The following PSMB3 variants were observed in gnomAD, a reference collection of about 807,000 sequenced individuals.
PSMB3 encodes proteasome 20S subunit beta 3.
Under a neutral mutation model 23.3 loss-of-function variants are expected in PSMB3, and 5 were observed. The ratio of observed to expected loss-of-function variants is 0.21; its 90% confidence interval spans 0.11 to 0.45. The LOEUF (loss-of-function observed/expected upper bound fraction) is 0.45. Among genes scored for constraint, PSMB3 ranks in the 20% least tolerant of loss-of-function variants. The pLI is 0.99. For synonymous variants in PSMB3, 85 were observed against 99.8 expected (o/e 0.85, Z 0.88); for missense variants, 192 against 277.9 (o/e 0.69, Z 2.20).
chr17:38,752,751 G>C lies in PSMB3; in HGVS notation c.-76G>C. On this transcript the variant is annotated 5_prime_UTR_variant, in exon 1 of 6. Transcript: ENST00000619426. This position sits in a 1 kb window ranked among gnomAD's most constrained non-coding sequence, Gnocchi z 5.5. Reference sequence around the variant, plus strand: ...AGCCAATGAAGAGACAGCAGTGAGAGCGGTTGCGCAGTGAAGGCTAGACCC... The same window carrying C: ...AGCCAATGAAGAGACAGCAGTGAGACCGGTTGCGCAGTGAAGGCTAGACCC... The C allele has an allele frequency of 1.9e-6, 3 of 1,566,552 alleles. 1 individual carries two copies. In the East Asian group the frequency reaches 6.7e-5, roughly 35 times the overall value.
intron 3 of PSMB3, among the ~76,000 whole-genome samples, chr17:38,759,774 C>A (rs1318667842): frequency 6.6e-6 from 1 of 152,104 alleles, no homozygotes; most frequent in Non-Finnish European, 1.5e-5. Context: ...GTCTCGATCT[C>A]CTGACCTGGT....
At chr17:38,759,573 C>A (rs1908348321) in intron 3 of PSMB3, among the ~76,000 whole-genome samples, 1 of 149,776 alleles carries the variant, frequency 6.7e-6, no homozygotes, top group Admixed American at 6.7e-5. Flanking sequence ...GAGATGGAGT[C>A]TCGCTCTGTC....
At chr17:38,755,676 A>ATGTGTGTG (rs1377200061) in intron 2 of PSMB3, among the ~76,000 whole-genome samples, 2,966 of 107,436 alleles carry the variant, frequency 0.028, 67 homozygotes, top group East Asian at 0.044. Context: ...ATATATATAT[A>ATGTGTGTG]TATATATGTG....
intron 2 of PSMB3, 26 bp downstream of exon 2, chr17:38,753,360 AC>A (rs1908021419): frequency 1.2e-6 from 2 of 1,603,488 alleles, no homozygotes; most frequent in African/African-American, 2.7e-5. Flanking sequence ...CCCCGCCCAC[AC>A]CCAGGCCTCT....
Position 38,757,561 on chromosome 17 carries a change from A to C in PSMB3, c.296+1571A>C, listed in dbSNP as rs139239503. ...GTCGGGCGTGGTGGCTCATGCCTGT[A>C]ATCCCAGCACTTTGGGAGGCCAAGG... On this transcript the variant is annotated intron_variant, in intron 3 of 5. Coordinates refer to ENST00000619426, the MANE Select transcript of PSMB3 (RefSeq NM_002795.4). Among the ~76,000 whole-genome samples the C allele has an allele frequency of 4.1e-3, 624 of 151,742 alleles. 1 individual carries two copies. The highest frequency in any genetic ancestry group is 7.4e-3 in the Non-Finnish European group (503 of 67,930).
intron 3 of PSMB3, among the ~76,000 whole-genome samples, chr17:38,756,630 G>A (rs1908208760): frequency 6.6e-6 from 1 of 151,882 alleles, no homozygotes; most frequent in South Asian, 2.1e-4. Context: ...CATGTAGCTG[G>A]GACCACAGGT....
chr17:38,759,095 AACGTCTCTTTT>A, intron 3 of PSMB3, among the ~76,000 whole-genome samples: 1 of 152,328 alleles, frequency 6.6e-6, no homozygotes. Context: ...ACATATGGAT[AACGTCTCTTTT>A]ACTGACTCTT....
At chr17:38,755,440 T>C (rs1020719624) in intron 2 of PSMB3, 1 of 151,684 alleles carries the variant, frequency 6.6e-6, no homozygotes, top group Non-Finnish European at 1.5e-5. Context: ...AGTCAGGAGA[T>C]CGAGACCATC....
At chr17:38,761,262 C>T (rs1567645869) in intron 4 of PSMB3, among the ~76,000 whole-genome samples, 1 of 150,678 alleles carries the variant, frequency 6.6e-6, no homozygotes, top group African/African-American at 2.4e-5. Flanking sequence ...TGAGGAGAAT[C>T]GCTTGAGCCT....
chr17:38,760,633 C>G (rs745448904), intron 4 of PSMB3, 25 bp downstream of exon 4: 3 of 1,613,648 alleles, frequency 1.9e-6, no homozygotes, highest in Non-Finnish European at 2.5e-6. Context: ...TGGAGAGGGG[C>G]TGGGCTCTGA....
intron 3 of PSMB3, among the ~76,000 whole-genome samples, chr17:38,756,924 G>C (rs1908223828): frequency 6.9e-6 from 1 of 145,874 alleles, no homozygotes; most frequent in Admixed American, 6.9e-5. Context: ...CTGTCGCCCT[G>C]GTGTGCAATC....
At chr17:38,762,559 C>G in intron 5 of PSMB3, 54 bp downstream of exon 5, 1 of 1,516,970 alleles carries the variant, frequency 6.6e-7, no homozygotes, top group South Asian at 1.1e-5. Context: ...TGCCTCTCTC[C>G]CTTCTCCACG....
intron 2 of PSMB3, among the ~76,000 whole-genome samples, 168 bp from the exon 3 acceptor site, chr17:38,755,715 T>TGTGTGTGTGTGTGTGCGC (rs142685157): frequency 7.2e-6 from 1 of 138,436 alleles, no homozygotes; most frequent in South Asian, 2.4e-4. Flanking sequence ...TGTGTGTGTG[T>TGTGTGTGTGTGTGTGCGC]GCTGCCAAAG....
At chr17:38,755,659 A>AAAAAT (rs1555542565) in intron 2 of PSMB3, among the ~76,000 whole-genome samples, 1 of 96,910 alleles carries the variant, frequency 1.0e-5, no homozygotes, top group Non-Finnish European at 1.9e-5. Context: ...AAAAAAAAAA[A>AAAAAT]ATATATATAT....
chr17:38,752,957 GC>G lies in PSMB3; in HGVS notation c.3+132del. 4 of 1,412,242 alleles carry G rather than the reference GC, an allele frequency of 2.8e-6. No individual in the cohort carries two copies. Among genetic ancestry groups the G allele is most frequent in the African/African-American group, 1.4e-5 (1 of 70,638 alleles). The allele number at this position is 1,412,242 out of a possible 1,614,324, so 87.5% of individuals were successfully genotyped here. A position where few individuals can be genotyped will look rare whatever the true frequency, so the allele number is the denominator to read the frequency against. ...AGCGGTTTCAGTTCGAGGGGAGCGG[GC>G]CCCGGTGAGGACCAAGAGGGTGAGT... On this transcript the variant is annotated intron_variant, in intron 1 of 5. Transcript: ENST00000619426. This position sits in a 1 kb window ranked among gnomAD's most constrained non-coding sequence, Gnocchi z 5.5.
intron 3 of PSMB3, 33 bp downstream of exon 3, chr17:38,756,023 G>T: frequency 1.3e-6 from 2 of 1,523,738 alleles, no homozygotes; most frequent in Non-Finnish European, 1.8e-6. Context: ...CTGAGGGAAT[G>T]CAGACATCTT....
intron 4 of PSMB3, chr17:38,762,148 A>G: frequency 2.2e-6 from 1 of 455,770 alleles, no homozygotes; most frequent in Non-Finnish European, 3.9e-6. Context: ...GTGAAGAGAG[A>G]CATACTATTT....
rs757280996 is a variant in PSMB3 at position 38,764,119 on chromosome 17, C to T, written c.570C>T (p.Ile190=). The change falls in exon 6 of 6, where the codon ATC becomes ATT. Residue 190 remains isoleucine (I), a splice_region_variant and synonymous_variant. Coordinates refer to ENST00000619426, the MANE Select transcript of PSMB3 (RefSeq NM_002795.4). ...TTCTTGTGATTTTCTCCCTCTGCAG[C>T]GAGAAGGACAAAATCACCACCAGGA... The part of the protein sequence containing the change: ...VSGMGVIVHI[I]EKDKITTRTL... 6 of 1,614,012 alleles carry T rather than the reference C, an allele frequency of 3.7e-6. No homozygotes were observed. Among genetic ancestry groups the T allele is most frequent in the African/African-American group, 1.3e-5 (1 of 74,916 alleles).
At chr17:38,754,259 C>T (rs572265426) in intron 2 of PSMB3, among the ~76,000 whole-genome samples, 172 of 152,220 alleles carry the variant, frequency 1.1e-3, no homozygotes, top group African/African-American at 4.0e-3. Context: ...ATCTTGAGAT[C>T]AGGAGTTCCA....
Sources: allele counts gnomAD v4.1 joint callset (sites outside exome capture counted in the v4.1 genomes callset), GRCh38; gene constraint gnomAD v4.1.1; non-coding constraint Gnocchi (gnomAD v3.1); transcripts MANE v1.5; gene names NCBI Gene and HGNC (gene_info 2026-07-23, HGNC 2026-07-21).